The following TNFSF10 variants were observed in gnomAD, a reference collection of about 807,000 sequenced individuals.
TNFSF10 encodes tumor necrosis factor ligand superfamily member 10.
A neutral mutation model predicts 29.5 loss-of-function variants in TNFSF10; 13 were observed. The ratio of observed to expected loss-of-function variants is 0.44; its 90% CI spans 0.29 to 0.70. TNFSF10 has a LOEUF of 0.70. Ranked by LOEUF, TNFSF10 falls within the 30% of genes least tolerant of loss-of-function variation. The probability of loss-of-function intolerance (pLI) is 0.13; values close to 1 mark genes in which losing one functional copy is unlikely to be tolerated. For synonymous variants in TNFSF10, 111 were observed against 112.8 expected, an observed-to-expected ratio of 0.98 and a Z score of 0.10; for missense variants, 345 against 330.9, an observed-to-expected ratio of 1.04 and a Z score of -0.33.
intron 4 of TNFSF10, among the ~76,000 whole-genome samples, chr3:172,508,743 G>T (rs1307290747): frequency 6.6e-6 from 1 of 152,092 alleles, no homozygotes; most frequent in African/African-American, 2.4e-5. Flanking sequence ...TACAAAATTA[G>T]CCAGGCGTGG....
chr3:172,513,935 T>C (rs1312381287), intron 2 of TNFSF10, among the ~76,000 whole-genome samples: 1 of 151,758 alleles, frequency 6.6e-6, no homozygotes, highest in African/African-American at 2.4e-5. Flanking sequence ...GCCTCTTAGG[T>C]TCAAGCAGTT....
In TNFSF10 at chr3:172,506,698, T is replaced by C; in HGVS notation, c.640A>G (p.Thr214Ala). 1 of 1,614,234 alleles carries C rather than the reference T, an allele frequency of 6.2e-7. No individual in the cohort carries two copies. The highest frequency in any genetic ancestry group is 8.5e-7 in the Non-Finnish European group (1 of 1,180,036). Residue 214 changes from threonine (T) to alanine (A), a missense_variant, in exon 5 of 5, where the codon ACA becomes GCA. Transcript: ENST00000241261. ...KQMVQYIYKY[T>A]SYPDPILLMK... ...AACAATATAGGGTCAGGATAACTTG[T>C]GTATTTGTAAATATATTGGACCATT...
chr3:172,522,688 C>T (rs1253105776), intron 1 of TNFSF10, among the ~76,000 whole-genome samples: 6 of 152,296 alleles, frequency 3.9e-5, no homozygotes, highest in East Asian at 1.9e-4. Flanking sequence ...TATTTATTTT[C>T]GCAGGAATTC....
chr3:172,523,306 G>T lies in TNFSF10; in HGVS notation c.79C>A (p.Gln27Lys), dbSNP rs1206101101. 11 of 1,613,988 alleles carry T rather than the reference G, an allele frequency of 6.8e-6. No homozygotes were observed. Among genetic ancestry groups the T allele is most frequent in the Admixed American group, 1.7e-5 (1 of 60,002 alleles). Residue 27 changes from glutamine (Q) to lysine (K), a missense_variant, in exon 1 of 5, where the codon CAG (glutamine) becomes AAG (lysine). By Grantham distance (53) the Gln-to-Lys change is moderately conservative (BLOSUM62 1). Transcript: ENST00000241261. ...TAAGTTACAGCCACACAGAGAGACT[G>T]CAGGAGCACTGTGAAGATCACGATC... ...VLIVIFTVLLQSLCVAVTYVY... is the reference protein window; with the variant it reads ...VLIVIFTVLLKSLCVAVTYVY...
chr3:172,519,510 A>C (rs1713589676), intron 1 of TNFSF10, among the ~76,000 whole-genome samples: 1 of 152,238 alleles, frequency 6.6e-6, no homozygotes, highest in African/African-American at 2.4e-5. Context: ...TCTGGCTCCA[A>C]ATTGGTGAAC....
chr3:172,511,715 T>C (rs1713233788), intron 2 of TNFSF10, 56 bp from the exon 3 acceptor site: 3 of 1,468,046 alleles, frequency 2.0e-6, no homozygotes, highest in Non-Finnish European at 2.8e-6. Context: ...AAACTGACTA[T>C]AGAATGCCTA....
At chr3:172,519,315 G>A (rs541062585) in intron 1 of TNFSF10, among the ~76,000 whole-genome samples, 2 of 152,184 alleles carry the variant, frequency 1.3e-5, no homozygotes, top group African/African-American at 4.8e-5. Flanking sequence ...CATTTTTATA[G>A]TAGAATTGAA....
chr3:172,523,352 G>C lies in TNFSF10; in HGVS notation c.33C>G (p.Ser11Arg). Residue 11 changes from serine to arginine, a missense_variant, in exon 1 of 5, where the codon AGC becomes AGG. Physicochemically the swap from Ser to Arg is moderately radical, Grantham distance 110. Coordinates refer to ENST00000241261, the MANE Select transcript of TNFSF10 (RefSeq NM_003810.4). MAMMEVQGGPSLGQTCVLIVI... is the reference protein window; with the variant it reads MAMMEVQGGPRLGQTCVLIVI... Reference sequence around the variant, plus strand: ...CGATCAGCACGCAGGTCTGTCCCAGGCTGGGTCCCCCCTGGACCTCCATCA... The same window carrying C: ...CGATCAGCACGCAGGTCTGTCCCAGCCTGGGTCCCCCCTGGACCTCCATCA... 2 of 1,614,038 alleles carry C rather than the reference G, an allele frequency of 1.2e-6. No individual in the cohort carries two copies. Among genetic ancestry groups the C allele is most frequent in the Middle Eastern group, 1.7e-4 (1 of 6,060 alleles).
chr3:172,509,376 C>A, intron 3 of TNFSF10, 55 bp from the exon 4 acceptor site: 2 of 1,420,284 alleles, frequency 1.4e-6, no homozygotes, highest in African/African-American at 1.4e-5. Flanking sequence ...TTCTCCAATA[C>A]CTTGCTCTTC....
chr3:172,507,821 A>G (rs1393873212), intron 4 of TNFSF10, among the ~76,000 whole-genome samples: 1 of 152,240 alleles, frequency 6.6e-6, no homozygotes, highest in African/African-American at 2.4e-5. Flanking sequence ...CTGATGTCTG[A>G]AATATTTTTA....
intron 1 of TNFSF10, among the ~76,000 whole-genome samples, chr3:172,522,028 C>T (rs1039580295): frequency 6.6e-6 from 1 of 151,496 alleles, no homozygotes; most frequent in Non-Finnish European, 1.5e-5. Context: ...GCAACACACA[C>T]ACTGGGGCCT....
intron 1 of TNFSF10, chr3:172,522,494 A>ATTTTTTTATTTT: frequency 9.4e-7 from 1 of 1,060,116 alleles, no homozygotes. Context: ...CACCTTTTAA[A>ATTTTTTTATTTT]ACCTGCTGCA....
chr3:172,516,871 G>C (rs908498855), intron 1 of TNFSF10, among the ~76,000 whole-genome samples: 13 of 152,194 alleles, frequency 8.5e-5, no homozygotes, highest in African/African-American at 2.2e-4. Context: ...GGATCAAGAA[G>C]GAAGAGACGA....
At chr3:172,522,852 TA>T (rs1713759333) in intron 1 of TNFSF10, among the ~76,000 whole-genome samples, 1 of 152,210 alleles carries the variant, frequency 6.6e-6, no homozygotes, top group African/African-American at 2.4e-5. Context: ...AAAGAACCTG[TA>T]AAAATTATCT....
At chr3:172,521,537 A>G (rs948201668) in intron 1 of TNFSF10, among the ~76,000 whole-genome samples, 1 of 152,254 alleles carries the variant, frequency 6.6e-6, no homozygotes, top group Non-Finnish European at 1.5e-5. Context: ...TGGTCATTAA[A>G]AAGTCAGGAA....
In TNFSF10 at chr3:172,505,659, G is replaced by A. The variant is rs1287394902; in HGVS notation, c.*833C>T. On this transcript the variant is annotated 3_prime_UTR_variant, in exon 5 of 5. Coordinates refer to ENST00000241261, the MANE Select transcript of TNFSF10 (RefSeq NM_003810.4). ...AAAACAAAAACAACAATAAATATGAGCACTACAGCAAACATGACATACTGT... is the reference window on the plus strand; with the variant it reads ...AAAACAAAAACAACAATAAATATGAACACTACAGCAAACATGACATACTGT... 3 of 149,464 alleles carry A rather than the reference G, an allele frequency of 2.0e-5. No homozygotes were observed. The highest frequency in any genetic ancestry group is 4.9e-5 in the African/African-American group (2 of 40,686). 9.3% of individuals were successfully genotyped at this position (149,464 alleles called of 1,614,324 possible).
At chr3:172,511,370 T>G in intron 3 of TNFSF10, 1 of 355,954 alleles carries the variant, frequency 2.8e-6, no homozygotes, top group South Asian at 5.6e-5. Context: ...AAAGGAAAAT[T>G]CATGGGGAAG....
At chr3:172,511,214 G>C (rs1311875961) in intron 3 of TNFSF10, among the ~76,000 whole-genome samples, 1 of 152,174 alleles carries the variant, frequency 6.6e-6, no homozygotes, top group East Asian at 1.9e-4. Flanking sequence ...TGTAAAGAAA[G>C]ACCTGGAGCC....
Position 172,523,403 on chromosome 3 carries a change from C to G in TNFSF10, c.-19G>C, listed in dbSNP as rs374122286. ...TAGCCATGATCCTGTCAGAGTCTGA[C>G]TGCTGTAAGTCAGCCAGGCAGCCGG... On this transcript the variant is annotated 5_prime_UTR_variant, in exon 1 of 5. Transcript: ENST00000241261. 6.2e-7 allele frequency: 1 copy of G among 1,605,070 alleles called. No individual in the cohort carries two copies. The highest frequency in any genetic ancestry group is 8.5e-7 in the Non-Finnish European group (1 of 1,173,104).
Sources: gnomAD v4.1 joint callset for allele counts (sites outside exome capture counted in the v4.1 genomes callset) on GRCh38, gnomAD v4.1.1 for gene constraint, MANE v1.5 for transcripts, NCBI Gene and HGNC (gene_info 2026-07-23, HGNC 2026-07-21) for gene names.